CFAP99: variants seen among roughly 807,000 people sequenced by gnomAD.
The protein encoded by CFAP99 is cilia and flagella associated protein 99, also known as cilia- and flagella-associated protein 99.
A neutral mutation model predicts 82.7 loss-of-function variants in CFAP99; 84 were observed. That is an observed-to-expected ratio of 1.02 (90% CI 0.85 to 1.22). The LOEUF (loss-of-function observed/expected upper bound fraction) is 1.22. Among genes scored for constraint, CFAP99 ranks in the 50% most tolerant of loss-of-function variants. CFAP99 has a pLI of 0.00. For synonymous variants in CFAP99, 456 were observed against 429.5 expected (o/e 1.06, Z -0.76); for missense variants, 1,059 against 983.5 (o/e 1.08, Z -1.03).
At chr4:2,441,173 C>G (rs1056744618) in intron 4 of CFAP99, among the ~76,000 whole-genome samples, 1 of 151,616 alleles carries the variant, frequency 6.6e-6, no homozygotes, top group Non-Finnish European at 1.5e-5. Context: ...GAGTTTGAGA[C>G]CAGCCTGACC....
intron 6 of CFAP99, among the ~76,000 whole-genome samples, chr4:2,447,916 AATGAATGGATGGGTGG>A (rs1409657823): frequency 1.4e-3 from 122 of 86,460 alleles, no homozygotes; most frequent in African/African-American, 6.3e-3. Context: ...TGAGTGGGTG[AATGAATGGATGGGTGG>A]ATGGATGGAT....
intron 5 of CFAP99, among the ~76,000 whole-genome samples, chr4:2,443,590 G>A (rs1012654161): frequency 1.4e-4 from 21 of 152,332 alleles, no homozygotes; most frequent in African/African-American, 4.6e-4. Context: ...GCTGGCTGGG[G>A]CTGCGTCAGT....
chr4:2,439,652 C>T (rs1431326614), intron 4 of CFAP99, among the ~76,000 whole-genome samples: 1 of 152,212 alleles, frequency 6.6e-6, no homozygotes, highest in Non-Finnish European at 1.5e-5. Flanking sequence ...GAGGCATACA[C>T]ATTTGTATAG....
chr4:2,424,206 G>C (rs1733638774), intron 1 of CFAP99, among the ~76,000 whole-genome samples: 1 of 152,202 alleles, frequency 6.6e-6, no homozygotes, highest in Non-Finnish European at 1.5e-5. Flanking sequence ...ATCACCTGAG[G>C]TCAGGAGTTT....
intron 4 of CFAP99, among the ~76,000 whole-genome samples, chr4:2,439,255 G>A (rs147982995): frequency 3.9e-4 from 60 of 152,328 alleles, no homozygotes; most frequent in Middle Eastern, 3.4e-3. Context: ...TCTGCCCAAT[G>A]TCACACAGCA....
rs1344070607 is a variant in CFAP99, at chr4:2,452,126, G to C, written c.957-16G>C. 6.5e-7 allele frequency: 1 copy of C among 1,535,642 alleles called. No homozygotes were observed. Among genetic ancestry groups the C allele is most frequent in the Non-Finnish European group, 8.7e-7 (1 of 1,146,592 alleles). On this transcript the variant is annotated splice_polypyrimidine_tract_variant and intron_variant, in intron 10 of 14. Coordinates refer to ENST00000635017, the Ensembl canonical transcript of CFAP99. ...GGGAGAAACCCCAAGCTGTGCTTCT[G>C]TCCCTCTTTGCCCAGGGTTGATAAG...
At chr4:2,451,143 C>A in intron 9 of CFAP99, 121 bp from the exon 10 acceptor site, 2 of 1,452,970 alleles carry the variant, frequency 1.4e-6, no homozygotes, top group Non-Finnish European at 1.9e-6. Flanking sequence ...CGGCCCCACC[C>A]TGGGGGATAG....
Position 2,446,368 on chromosome 4 carries a change from G to A in CFAP99, c.642+1060G>A, listed in dbSNP as rs962795486. Among the ~76,000 whole-genome samples, 2 of 148,440 alleles carry A rather than the reference G, an allele frequency of 1.3e-5. No individual in the cohort carries two copies. The highest frequency in any genetic ancestry group is 3.0e-5 in the Non-Finnish European group (2 of 67,342). Reference sequence around the variant, plus strand: ...CTTTTTATTTCATTTTATTATTGTTGTTATTATTATTATTATTATTATTAT... The same window carrying A: ...CTTTTTATTTCATTTTATTATTGTTATTATTATTATTATTATTATTATTAT... On this transcript the variant is annotated intron_variant, in intron 6 of 14. Coordinates refer to ENST00000635017, the Ensembl canonical transcript of CFAP99. This position sits in a 1 kb window ranked among gnomAD's most constrained non-coding sequence, Gnocchi z 5.0.
chr4:2,426,850 C>A, intron 2 of CFAP99: 3 of 465,798 alleles, frequency 6.4e-6, no homozygotes, highest in South Asian at 4.4e-5. Context: ...CCTCAGTCAA[C>A]ACAGATGAGA....
At chr4:2,430,908 A>C (rs1414547454) in intron 2 of CFAP99, among the ~76,000 whole-genome samples, 1 of 151,872 alleles carries the variant, frequency 6.6e-6, no homozygotes, top group Admixed American at 6.6e-5. Context: ...CCTTTTCTCT[A>C]TAAAAAATGT....
chr4:2,449,664 C>T lies in CFAP99; in HGVS notation c.643-6C>T. On this transcript the variant is annotated splice_region_variant and splice_polypyrimidine_tract_variant and intron_variant, in intron 6 of 14. Coordinates refer to ENST00000635017, the Ensembl canonical transcript of CFAP99. ...CCATAGGCTCTTCCTCCCACCACTTCAGCAGGTCCCCCAGAGCACCTACCA... is the reference window on the plus strand; with the variant it reads ...CCATAGGCTCTTCCTCCCACCACTTTAGCAGGTCCCCCAGAGCACCTACCA... 1 of 1,536,080 alleles carries T rather than the reference C, an allele frequency of 6.5e-7. No homozygotes were observed. Among genetic ancestry groups the T allele is most frequent in the Non-Finnish European group, 8.7e-7 (1 of 1,146,840 alleles).
intron 6 of CFAP99, among the ~76,000 whole-genome samples, chr4:2,447,937 ATGG>A (rs1560385985): frequency 4.0e-5 from 3 of 74,996 alleles, no homozygotes; most frequent in East Asian, 5.1e-4. Context: ...GGGTGGATGG[ATGG>A]ATGGATGGAT....
intron 2 of CFAP99, among the ~76,000 whole-genome samples, chr4:2,431,437 C>T (rs947360024): frequency 6.6e-6 from 1 of 152,052 alleles, no homozygotes; most frequent in Non-Finnish European, 1.5e-5. Context: ...ATGGTCTGTG[C>T]AGATGTAATT....
intron 2 of CFAP99, 68 bp downstream of exon 2, chr4:2,426,654 C>G: frequency 9.7e-7 from 1 of 1,030,242 alleles, no homozygotes; most frequent in Non-Finnish European, 1.4e-6. Flanking sequence ...TTCTGGTTAA[C>G]AGCATCAAAT....
At chr4:2,458,159 G>A (rs541747259) in intron 11 of CFAP99, among the ~76,000 whole-genome samples, 3 of 152,318 alleles carry the variant, frequency 2.0e-5, no homozygotes, top group African/African-American at 4.8e-5. Flanking sequence ...CGGTGTGGAC[G>A]CCTCTTTTCT....
At chr4:2,460,288 A>T in intron 14 of CFAP99, 46 bp downstream of exon 14, 1 of 1,508,862 alleles carries the variant, frequency 6.6e-7, no homozygotes, top group Non-Finnish European at 8.9e-7. Flanking sequence ...GACAGGGAGC[A>T]TGCTGTAAGC....
intron 8 of CFAP99, chr4:2,450,303 T>A: frequency 2.3e-6 from 1 of 443,876 alleles, no homozygotes; most frequent in East Asian, 4.0e-5. Flanking sequence ...TTCATGTCTC[T>A]GTAAGGAAAA....
At chr4:2,457,405 C>G (rs562454638) in intron 11 of CFAP99, among the ~76,000 whole-genome samples, 71 of 152,280 alleles carry the variant, frequency 4.7e-4, no homozygotes, top group African/African-American at 1.7e-3. Context: ...GGACTTGGTG[C>G]GAGCTCAGCG....
chr4:2,456,202 A>G (rs376940013), intron 11 of CFAP99, among the ~76,000 whole-genome samples: 19 of 150,726 alleles, frequency 1.3e-4, no homozygotes, highest in Admixed American at 4.6e-4. Context: ...GTTTTGTTTT[A>G]TTTTATTTTT....
Sources: gnomAD v4.1 joint callset for allele counts (sites outside exome capture counted in the v4.1 genomes callset) on GRCh38, gnomAD v4.1.1 for gene constraint, Gnocchi (gnomAD v3.1) non-coding constraint, MANE v1.5 for transcripts, NCBI Gene and HGNC (gene_info 2026-07-23, HGNC 2026-07-21) for gene names.